Variants in HS2ST1 observed in about 807,000 individuals in gnomAD.
HS2ST1 encodes heparan sulfate 2-O-sulfotransferase 1.
In HS2ST1, 18 loss-of-function variants were observed where a neutral mutation model predicts 42.9. That is an observed-to-expected ratio of 0.42 (90% CI 0.29 to 0.62). HS2ST1 has a LOEUF of 0.62. Among genes scored for constraint, HS2ST1 ranks in the 20% least tolerant of loss-of-function variants. The pLI, the probability that HS2ST1 is intolerant of heterozygous loss-of-function variation, is 0.21. For missense variants in HS2ST1, 334 were observed against 433.8 expected (o/e 0.77, Z 2.04); for synonymous variants, 146 against 152.9 (o/e 0.95, Z 0.33).
intron 1 of HS2ST1, among the ~76,000 whole-genome samples, chr1:86,917,147 A>G (rs1660177765): frequency 6.6e-6 from 1 of 152,182 alleles, no homozygotes; most frequent in South Asian, 2.1e-4. Flanking sequence ...TAGCAGAGGA[A>G]ACCATATTTT....
At chr1:86,997,213 G>A (rs1649128152) in intron 1 of HS2ST1, among the ~76,000 whole-genome samples, 1 of 152,178 alleles carries the variant, frequency 6.6e-6, no homozygotes, top group Admixed American at 6.5e-5. Flanking sequence ...TTGGGGGTGA[G>A]AGGAGAACTG....
intron 1 of HS2ST1, among the ~76,000 whole-genome samples, chr1:86,965,415 G>A (rs1648016695): frequency 6.6e-6 from 1 of 152,022 alleles, no homozygotes; most frequent in African/African-American, 2.4e-5. Flanking sequence ...TTCTTTTGTG[G>A]CCTTCCAGAA....
intron 1 of HS2ST1, among the ~76,000 whole-genome samples, chr1:86,955,008 G>A (rs1232865653): frequency 2.0e-5 from 3 of 152,114 alleles, no homozygotes; most frequent in Non-Finnish European, 2.9e-5. Flanking sequence ...TGAGGTGGGC[G>A]AATCACTTGA....
At chr1:86,956,338 C>T (rs1647676133) in intron 1 of HS2ST1, 1 of 152,180 alleles carries the variant, frequency 6.6e-6, no homozygotes. Context: ...GCAGGCAAAG[C>T]CAGGATTTTT....
chr1:87,104,877 G>C lies in HS2ST1; in HGVS notation c.*181G>C, dbSNP rs1053842424. On this transcript the variant is annotated 3_prime_UTR_variant, in exon 7 of 7. Transcript: ENST00000370550. ...CTGGCTGGCATTGTCAGTGTTCTAA[G>C]TTTCAGGCATTTTTATTTTTCCTGG... 1.1e-5 allele frequency: 6 copies of C among 527,242 alleles called. No homozygotes were observed. The highest frequency in any genetic ancestry group is 9.6e-5 in the African/African-American group (5 of 52,156). The allele number at this position is 527,242 out of a possible 1,614,324, so 32.7% of individuals were successfully genotyped here.
chr1:87,090,899 T>A (rs528443643), intron 3 of HS2ST1, among the ~76,000 whole-genome samples: 6 of 152,008 alleles, frequency 3.9e-5, no homozygotes, highest in Non-Finnish European at 8.8e-5. Flanking sequence ...CAGAACACTT[T>A]CTCACAGATG....
intron 1 of HS2ST1, among the ~76,000 whole-genome samples, chr1:86,975,292 T>A (rs75355255): frequency 6.6e-6 from 1 of 151,784 alleles, no homozygotes; most frequent in African/African-American, 2.4e-5. Flanking sequence ...TTTTTTTTTT[T>A]AAGCTTTTCC....
At chr1:87,026,672 G>C (rs984770643) in intron 1 of HS2ST1, among the ~76,000 whole-genome samples, 1 of 151,914 alleles carries the variant, frequency 6.6e-6, no homozygotes, top group African/African-American at 2.4e-5. Flanking sequence ...TAAGTTCATT[G>C]GCATTTCACA....
chr1:87,054,947 A>C (rs1399357487), intron 1 of HS2ST1, among the ~76,000 whole-genome samples: 1 of 152,198 alleles, frequency 6.6e-6, no homozygotes, highest in East Asian at 1.9e-4. Context: ...TAATTAATAC[A>C]GTGCCCCCTT....
intron 1 of HS2ST1, among the ~76,000 whole-genome samples, chr1:87,026,359 C>G (rs976122604): frequency 2.6e-5 from 4 of 152,128 alleles, no homozygotes. Flanking sequence ...TTTCTTTTGT[C>G]TGAGTGCAGG....
At chr1:87,006,566 A>G (rs142605883) in intron 1 of HS2ST1, among the ~76,000 whole-genome samples, 45 of 152,246 alleles carry the variant, frequency 3.0e-4, no homozygotes, top group Admixed American at 2.9e-3. Flanking sequence ...CCAAATGGTT[A>G]TAGATTTTAG....
intron 1 of HS2ST1, among the ~76,000 whole-genome samples, chr1:86,930,376 C>T (rs1213478816): frequency 1.3e-5 from 2 of 151,836 alleles, no homozygotes; most frequent in Non-Finnish European, 3.0e-5. Context: ...TTCTTAATGA[C>T]TTTACCAATC....
At chr1:87,012,215 T>TA (rs916338709) in intron 1 of HS2ST1, among the ~76,000 whole-genome samples, 1 of 152,176 alleles carries the variant, frequency 6.6e-6, no homozygotes, top group Non-Finnish European at 1.5e-5. Flanking sequence ...ATATTTGTAT[T>TA]AGTCTGTTCT....
At chr1:87,050,044 C>G (rs545108525) in intron 1 of HS2ST1, among the ~76,000 whole-genome samples, 149 of 152,066 alleles carry the variant, frequency 9.8e-4, no homozygotes, top group Non-Finnish European at 1.2e-3. Flanking sequence ...ATCCATTTGT[C>G]ATGAATATGG....
intron 5 of HS2ST1, among the ~76,000 whole-genome samples, chr1:87,098,923 G>A (rs1407050784): frequency 6.6e-6 from 1 of 152,100 alleles, no homozygotes; most frequent in Non-Finnish European, 1.5e-5. Flanking sequence ...GGGACTACAG[G>A]TGCCTGCACT....
At chr1:86,916,139 G>C (rs1461244593) in intron 1 of HS2ST1, among the ~76,000 whole-genome samples, 1 of 152,198 alleles carries the variant, frequency 6.6e-6, no homozygotes, top group African/African-American at 2.4e-5. Context: ...TTGGCATTTG[G>C]AAGAGCTCAG....
intron 1 of HS2ST1, among the ~76,000 whole-genome samples, chr1:87,011,993 A>G (rs2154041): frequency 0.77 from 117,235 of 152,090 alleles, 46,163 homozygotes; most frequent in East Asian, 0.97. Flanking sequence ...GTAATTATCA[A>G]TTCTCCTTCA....
intron 1 of HS2ST1, among the ~76,000 whole-genome samples, chr1:86,926,217 T>C (rs1660415589): frequency 6.6e-6 from 1 of 152,182 alleles, no homozygotes; most frequent in Admixed American, 6.5e-5. Context: ...TTGAGTGAAT[T>C]CCCAAAATTG....
At chr1:86,962,616 C>T (rs1213081755) in intron 1 of HS2ST1, among the ~76,000 whole-genome samples, 2 of 152,132 alleles carry the variant, frequency 1.3e-5, no homozygotes, top group South Asian at 2.1e-4. Flanking sequence ...GGGTAAGATA[C>T]GTGGCTTGCC....
Sources: allele counts gnomAD v4.1 joint callset (sites outside exome capture counted in the v4.1 genomes callset), GRCh38; gene constraint gnomAD v4.1.1; transcripts MANE v1.5; gene names NCBI Gene and HGNC (gene_info 2026-07-23, HGNC 2026-07-21).